The following RPH3A variants were observed in gnomAD, a reference collection of about 807,000 sequenced individuals.
RPH3A encodes rabphilin 3A.
In RPH3A, 48 loss-of-function variants were observed where a neutral mutation model predicts 102.2. The ratio of observed to expected loss-of-function variants is 0.47; its 90% confidence interval spans 0.37 to 0.60. The LOEUF (loss-of-function observed/expected upper bound fraction) is 0.60, where lower values mean the gene tolerates loss of function less well. Ranked by LOEUF, RPH3A falls within the 20% of genes least tolerant of loss-of-function variation. The pLI is 0.00. For synonymous variants in RPH3A, 310 were observed against 324.3 expected (o/e 0.96, Z 0.47); for missense variants, 781 against 910.1 (o/e 0.86, Z 1.83).
intron 1 of RPH3A, among the ~76,000 whole-genome samples, chr12:112,695,828 AG>A (rs1490554713): frequency 1.3e-5 from 2 of 152,178 alleles, no homozygotes; most frequent in African/African-American, 2.4e-5. Context: ...TTTTGCTACT[AG>A]TTATCATTTA....
At chr12:112,851,509 C>A (rs2042321868) in intron 5 of RPH3A, among the ~76,000 whole-genome samples, 1 of 152,212 alleles carries the variant, frequency 6.6e-6, no homozygotes, top group South Asian at 2.1e-4. Context: ...CAGAGCTAGT[C>A]TGCATGCTGC....
chr12:112,632,371 T>TCTC (rs1287800523), intron 1 of RPH3A, among the ~76,000 whole-genome samples: 1 of 152,140 alleles, frequency 6.6e-6, no homozygotes, highest in Non-Finnish European at 1.5e-5. Flanking sequence ...TCTTTCTGAG[T>TCTC]CTCCAATGTC....
chr12:112,797,303 A>G (rs2041251844), intron 2 of RPH3A, among the ~76,000 whole-genome samples: 1 of 152,192 alleles, frequency 6.6e-6, no homozygotes, highest in Non-Finnish European at 1.5e-5. Context: ...AGAAGCTATA[A>G]GAGCCTTTCC....
chr12:112,632,726 T>A (rs1246922327), intron 1 of RPH3A, among the ~76,000 whole-genome samples: 2 of 152,206 alleles, frequency 1.3e-5, no homozygotes, highest in African/African-American at 4.8e-5. Context: ...TTATCACAAC[T>A]GAGGGGGTGG....
chr12:112,844,393 C>G (rs2042197191), intron 4 of RPH3A, among the ~76,000 whole-genome samples: 1 of 152,180 alleles, frequency 6.6e-6, no homozygotes, highest in South Asian at 2.1e-4. Flanking sequence ...CAACAGCCAA[C>G]AAAAGGCCAT....
chr12:112,640,274 G>A (rs867438539), intron 1 of RPH3A, among the ~76,000 whole-genome samples: 19 of 128,628 alleles, frequency 1.5e-4, no homozygotes, highest in African/African-American at 4.9e-4. Context: ...GCAGTGAACC[G>A]AGATAGCACC....
intron 1 of RPH3A, among the ~76,000 whole-genome samples, chr12:112,686,867 C>T (rs2040268365): frequency 2.6e-5 from 4 of 152,202 alleles, no homozygotes; most frequent in Admixed American, 6.5e-5. Flanking sequence ...TGCAGTGGCT[C>T]ACGCCTGTAA....
intron 2 of RPH3A, among the ~76,000 whole-genome samples, chr12:112,797,042 CAA>C (rs1014133023): frequency 6.7e-6 from 1 of 150,244 alleles, no homozygotes; most frequent in Admixed American, 6.6e-5. Flanking sequence ...GACTCTGTCT[CAA>C]AAAAAAAGAC....
chr12:112,576,005 A>G (rs1337433334), intron 1 of RPH3A, among the ~76,000 whole-genome samples: 2 of 152,150 alleles, frequency 1.3e-5, no homozygotes, highest in Non-Finnish European at 2.9e-5. Flanking sequence ...GGGATGCACA[A>G]TGGGCCCAAC....
At chr12:112,660,378 T>G (rs1263915881) in intron 1 of RPH3A, among the ~76,000 whole-genome samples, 1 of 152,162 alleles carries the variant, frequency 6.6e-6, no homozygotes, top group Non-Finnish European at 1.5e-5. Context: ...TGATTAATCT[T>G]CCTATATGTG....
intron 1 of RPH3A, among the ~76,000 whole-genome samples, chr12:112,603,909 T>TTG (rs1218182201): frequency 3.3e-5 from 5 of 152,228 alleles, no homozygotes; most frequent in African/African-American, 4.8e-5. Context: ...GAATGTGTGC[T>TTG]TGTGTGTGTG....
chr12:112,773,186 A>G (rs1439465181), intron 1 of RPH3A, among the ~76,000 whole-genome samples: 1 of 151,960 alleles, frequency 6.6e-6, no homozygotes, highest in African/African-American at 2.4e-5. Flanking sequence ...TTGTTGATTG[A>G]TGGGCATTTG....
intron 1 of RPH3A, among the ~76,000 whole-genome samples, chr12:112,685,942 G>A (rs960671500): frequency 5.9e-5 from 9 of 152,194 alleles, no homozygotes; most frequent in Non-Finnish European, 4.4e-5. Context: ...GCATGGAGGA[G>A]TGTCTCAAAG....
intron 16 of RPH3A, among the ~76,000 whole-genome samples, chr12:112,886,700 G>T (rs1243784224): frequency 6.6e-6 from 1 of 152,214 alleles, no homozygotes; most frequent in Non-Finnish European, 1.5e-5. Flanking sequence ...ATAACAAAAG[G>T]CAATATATTA....
chr12:112,708,157 G>T (rs1249863485), intron 1 of RPH3A, among the ~76,000 whole-genome samples: 3 of 152,186 alleles, frequency 2.0e-5, no homozygotes, highest in African/African-American at 7.2e-5. Context: ...CAATGAGGAA[G>T]TTCATGGTTT....
intron 1 of RPH3A, among the ~76,000 whole-genome samples, chr12:112,699,702 T>A (rs1228345366): frequency 1.3e-5 from 2 of 152,346 alleles, no homozygotes; most frequent in Middle Eastern, 3.4e-3. Context: ...GTGGTTTCAC[T>A]TGTCAAAACT....
intron 11 of RPH3A, 96 bp from the exon 12 acceptor site, chr12:112,875,583 C>T (rs2042782588): frequency 9.4e-7 from 1 of 1,060,298 alleles, no homozygotes; most frequent in African/African-American, 1.6e-5. Context: ...GCCTTCGGGC[C>T]TGTGTCCACA....
In RPH3A at chr12:112,797,788, G is replaced by A. The variant is rs148968917; in HGVS notation, c.-19+5525G>A. 3.9e-3 allele frequency among the ~76,000 whole-genome samples: 592 copies of A among 152,176 alleles called. 7 individuals are homozygous for A. Among genetic ancestry groups the A allele is most frequent in the African/African-American group, 0.013 (536 of 41,510 alleles). Reference sequence around the variant, plus strand: ...GCTCACTGCAGCCTTGAACTCCTGGGCTCAAGCGATCCTCTTGTCTCAGCC... The same window carrying A: ...GCTCACTGCAGCCTTGAACTCCTGGACTCAAGCGATCCTCTTGTCTCAGCC... On this transcript the variant is annotated intron_variant, in intron 2 of 21. Coordinates refer to ENST00000389385, the MANE Select transcript of RPH3A (RefSeq NM_001143854.2).
At position 112,894,603 on chromosome 12, in the gene RPH3A, A is replaced by G; in HGVS notation, c.1801A>G (p.Lys601Glu). The change falls in exon 20 of 22, where the codon AAG (lysine) becomes GAG (glutamate). Residue 601 changes from lysine to glutamate, a missense_variant. Transcript: ENST00000389385. ...CTGGCTGAAACCGGACATGGGAAAG[A>G]AGGCCAAACACAAGACTCAAATTAA... The part of the protein sequence containing the change: ...KLWLKPDMGK[K>E]AKHKTQIKKK... The G allele has an allele frequency of 6.2e-7, 1 of 1,614,028 alleles. No homozygotes were observed. The highest frequency in any genetic ancestry group is 8.5e-7 in the Non-Finnish European group (1 of 1,179,984).
Sources: allele counts gnomAD v4.1 joint callset (sites outside exome capture counted in the v4.1 genomes callset), GRCh38; gene constraint gnomAD v4.1.1; transcripts MANE v1.5; gene names NCBI Gene and HGNC (gene_info 2026-07-23, HGNC 2026-07-21).